RABEPK: variants seen among roughly 807,000 people sequenced by gnomAD.
The protein encoded by RABEPK is Rab9 effector protein with kelch motifs, also known as 40 kDa Rab9 effector protein.
In RABEPK, 27 loss-of-function variants were observed where a neutral mutation model predicts 34.1. The observed-to-expected ratio is 0.79, with a 90% confidence interval of 0.58 to 1.09. RABEPK has a LOEUF of 1.09. Ranked by LOEUF, RABEPK falls within the 50% of genes least tolerant of loss-of-function variation. RABEPK has a pLI of 0.00. For synonymous variants in RABEPK, 172 were observed against 169.2 expected, an observed-to-expected ratio of 1.02 and a Z score of -0.13; for missense variants, 449 against 462.6, an observed-to-expected ratio of 0.97 and a Z score of 0.27.
In RABEPK at chr9:125,232,724, A is replaced by G. The variant is rs143781691; in HGVS notation, c.805A>G (p.Thr269Ala). Residue 269 changes from threonine to alanine, a missense_variant, in exon 7 of 8, where the codon ACA (threonine) becomes GCA (alanine). By Grantham distance (58) the Thr-to-Ala change is moderately conservative. Transcript: ENST00000373538. ...GGMTPAGALDTMYQYHTEEQH... is the reference protein window; with the variant it reads ...GGMTPAGALDAMYQYHTEEQH... Reference sequence around the variant, plus strand: ...AATGACTCCTGCAGGAGCACTGGACACAATGTACCAGTATCACACAGGTGA... The same window carrying G: ...AATGACTCCTGCAGGAGCACTGGACGCAATGTACCAGTATCACACAGGTGA... 15 of 1,613,756 alleles carry G rather than the reference A, an allele frequency of 9.3e-6. No individual in the cohort carries two copies. In the African/African-American group the frequency reaches 1.9e-4, roughly 20 times the overall value.
intron 5 of RABEPK, chr9:125,222,333 T>C (rs1198004099): frequency 6.6e-6 from 1 of 152,142 alleles, no homozygotes; most frequent in East Asian, 1.9e-4. Flanking sequence ...TATGTGTGTG[T>C]GTGTGTACAT....
chr9:125,222,575 G>A (rs901781732), intron 5 of RABEPK, among the ~76,000 whole-genome samples: 1 of 151,686 alleles, frequency 6.6e-6, no homozygotes, highest in Non-Finnish European at 1.5e-5. Context: ...TTAACTGGGC[G>A]TGGTGACGCA....
chr9:125,221,299 CCAGCCTGGCCAT>C (rs1448675019), intron 5 of RABEPK: 1 of 151,958 alleles, frequency 6.6e-6, no homozygotes, highest in African/African-American at 2.4e-5. Context: ...GAGTTTGAAA[CCAGCCTGGCCAT>C]CATGGCAAAA....
chr9:125,220,417 C>T (rs1831239898), intron 4 of RABEPK, 122 bp from the exon 5 acceptor site: 1 of 1,487,030 alleles, frequency 6.7e-7, no homozygotes. Context: ...AGATCCCTGC[C>T]CAAAACTATG....
At chr9:125,200,969 C>A (rs1373735408) in intron 1 of RABEPK, 63 bp downstream of exon 1, 2 of 405,636 alleles carry the variant, frequency 4.9e-6, no homozygotes, top group South Asian at 3.6e-5. Context: ...CACTCCCCCA[C>A]TTCTACTCCA....
chr9:125,217,372 A>G (rs1459364140), intron 4 of RABEPK, among the ~76,000 whole-genome samples: 2 of 152,090 alleles, frequency 1.3e-5, no homozygotes, highest in Non-Finnish European at 1.5e-5. Flanking sequence ...AAAGCTGTCA[A>G]AGAGGGTGAT....
Position 125,202,991 on chromosome 9 carries a change from T to G in RABEPK, c.-6-17T>G. On this transcript the variant is annotated splice_polypyrimidine_tract_variant and intron_variant, in intron 1 of 7. Coordinates refer to ENST00000373538, the MANE Select transcript of RABEPK (RefSeq NM_005833.4). ...AATCATAAGTGTCTAAAAAGTGCCTTTCTTTCTTATGCATAGGACACCATG... is the reference window on the plus strand; with the variant it reads ...AATCATAAGTGTCTAAAAAGTGCCTGTCTTTCTTATGCATAGGACACCATG... The G allele has an allele frequency of 6.2e-7, 1 of 1,612,050 alleles. No individual in the cohort carries two copies. Among genetic ancestry groups the G allele is most frequent in the Non-Finnish European group, 8.5e-7 (1 of 1,178,470 alleles).
rs777148154 is a variant in RABEPK, at chr9:125,232,678, A to T, written c.759A>T (p.Lys253Asn). 2 of 1,614,170 alleles carry T rather than the reference A, an allele frequency of 1.2e-6. No homozygotes were observed. Among genetic ancestry groups the T allele is most frequent in the South Asian group, 2.2e-5 (2 of 91,072 alleles). The change falls in exon 7 of 8, where the codon AAA becomes AAT. Residue 253 changes from lysine to asparagine, a missense_variant. Coordinates refer to ENST00000373538, the MANE Select transcript of RABEPK (RefSeq NM_005833.4). The stretch of plus-strand genomic sequence containing the variant: ...CCCACTCAGCTGTGGCCATGGGAAA[A>T]CATGTGTACATCTTTGGTGGAATGA... ...CAAHSAVAMG[K>N]HVYIFGGMTP...
Position 125,207,575 on chromosome 9 carries a change from C to CT in RABEPK, c.66dup (p.Val23CysfsTer22). 1 of 1,614,010 alleles carries CT rather than the reference C, an allele frequency of 6.2e-7. No homozygotes were observed. The highest frequency in any genetic ancestry group is 2.2e-5 in the East Asian group (1 of 44,888). On this transcript the variant is annotated frameshift_variant, in exon 3 of 8. Transcript: ENST00000373538. LOFTEE classifies it high-confidence loss of function. ...CCTTCCTTTGGCAGGTACACCTTGA[C>CT]TGTCCCTGGAGACAGCCCCTGTGCT...
chr9:125,204,577 C>T (rs922339370), intron 2 of RABEPK, among the ~76,000 whole-genome samples: 1 of 152,180 alleles, frequency 6.6e-6, no homozygotes, highest in African/African-American at 2.4e-5. Context: ...AGGGAGACTC[C>T]GTCTCAAACA....
At chr9:125,217,957 C>A (rs1233957131) in intron 4 of RABEPK, among the ~76,000 whole-genome samples, 1 of 151,988 alleles carries the variant, frequency 6.6e-6, no homozygotes, top group East Asian at 1.9e-4. Context: ...TGGATGTAGA[C>A]CTTTTACAAA....
chr9:125,232,790 C>T (rs1022972685), intron 7 of RABEPK, 45 bp downstream of exon 7: 1 of 1,574,574 alleles, frequency 6.4e-7, no homozygotes, highest in Non-Finnish European at 8.7e-7. Context: ...TCTAAACATT[C>T]TTTGAAACGT....
chr9:125,221,510 A>C (rs1443060339), intron 5 of RABEPK: 1 of 152,002 alleles, frequency 6.6e-6, no homozygotes, highest in Admixed American at 6.6e-5. Flanking sequence ...CTAAATAAAA[A>C]AATAAAAAGG....
Position 125,227,951 on chromosome 9 carries a change from C to T in RABEPK, c.568C>T (p.Pro190Ser). 6.2e-7 allele frequency: 1 copy of T among 1,608,538 alleles called. No individual in the cohort carries two copies. Among genetic ancestry groups the T allele is most frequent in the Non-Finnish European group, 8.5e-7 (1 of 1,176,950 alleles). ...ACAGCCAGAGACACTTGGAAATCCTCCATCTCCCCGGCATGGTCATGTGAT... is the reference window on the plus strand; with the variant it reads ...ACAGCCAGAGACACTTGGAAATCCTTCATCTCCCCGGCATGGTCATGTGAT... ...WSQPETLGNP[P>S]SPRHGHVMVA... Residue 190 changes from proline to serine, a missense_variant, in exon 6 of 8, where the codon CCA (proline) becomes TCA (serine). Transcript: ENST00000373538.
chr9:125,224,713 CA>C (rs1831613550), intron 5 of RABEPK, among the ~76,000 whole-genome samples: 1 of 152,108 alleles, frequency 6.6e-6, no homozygotes, highest in Admixed American at 6.6e-5. Context: ...CTTGGCCTCC[CA>C]AAGTGCTGGG....
chr9:125,217,540 A>G (rs1001799340), intron 4 of RABEPK, among the ~76,000 whole-genome samples: 8 of 152,162 alleles, frequency 5.3e-5, no homozygotes, highest in Non-Finnish European at 1.0e-4. Flanking sequence ...AGCTGGGATT[A>G]CAGGCACATG....
chr9:125,226,884 T>G (rs560137464), intron 5 of RABEPK, among the ~76,000 whole-genome samples: 83 of 122,306 alleles, frequency 6.8e-4, no homozygotes, highest in Non-Finnish European at 1.0e-3. Flanking sequence ...TAATAATAAA[T>G]AGAAGCCAGG....
In RABEPK at chr9:125,200,576, A is replaced by G. The variant is rs1262026650; in HGVS notation, c.-337A>G. The G allele has an allele frequency of 7.3e-6, 3 of 410,294 alleles. No homozygotes were observed. Among genetic ancestry groups the G allele is most frequent in the East Asian group, 7.3e-5 (1 of 13,738 alleles). The allele number at this position is 410,294 out of a possible 1,614,324, so 25.4% of individuals were successfully genotyped here. A position where few individuals can be genotyped will look rare whatever the true frequency, so the allele number is the denominator to read the frequency against. ...GCTCGCGACTGGCCTAAGTCGCCGC[A>G]GGTATTGCAGTCCGGGGCTGGAGGG... On this transcript the variant is annotated 5_prime_UTR_variant, in exon 1 of 8. Coordinates refer to ENST00000373538, the MANE Select transcript of RABEPK (RefSeq NM_005833.4).
intron 4 of RABEPK, among the ~76,000 whole-genome samples, chr9:125,217,335 T>C (rs1191421757): frequency 1.3e-5 from 2 of 152,192 alleles, no homozygotes; most frequent in Non-Finnish European, 2.9e-5. Context: ...ATGGTATCCA[T>C]TGAAATAAAA....
Sources: allele counts gnomAD v4.1 joint callset (sites outside exome capture counted in the v4.1 genomes callset), GRCh38; gene constraint gnomAD v4.1.1; transcripts MANE v1.5; gene names NCBI Gene and HGNC (gene_info 2026-07-23, HGNC 2026-07-21).